The following CHD6 variants were observed in gnomAD, a reference collection of about 807,000 sequenced individuals.
The protein encoded by CHD6 is ATP-dependent chromatin remodeler CHD6.
A neutral mutation model predicts 276.9 loss-of-function variants in CHD6; 50 were observed. The ratio of observed to expected loss-of-function variants is 0.18; its 90% CI spans 0.14 to 0.23. CHD6 has a LOEUF of 0.23. Ranked by LOEUF, CHD6 falls within the 10% of genes least tolerant of loss-of-function variation. The pLI is 1.00. For missense variants in CHD6, 2,564 were observed against 3,365.8 expected (o/e 0.76, Z 5.89); for synonymous variants, 1,173 against 1,229.3 (o/e 0.95, Z 0.96).
intron 3 of CHD6, among the ~76,000 whole-genome samples, chr20:41,516,614 C>T (rs2044259201): frequency 6.6e-6 from 1 of 152,142 alleles, no homozygotes; most frequent in Non-Finnish European, 1.5e-5. Flanking sequence ...TTGATCATAG[C>T]ATTCTTGGGG....
intron 34 of CHD6, chr20:41,414,818 A>AT: frequency 8.7e-7 from 1 of 1,143,774 alleles, no homozygotes; most frequent in Admixed American, 4.4e-5. Flanking sequence ...TCTTTCTCCC[A>AT]TACCCCAGTC....
At chr20:41,463,006 G>C (rs557009619) in intron 17 of CHD6, among the ~76,000 whole-genome samples, 12 of 152,186 alleles carry the variant, frequency 7.9e-5, no homozygotes, top group Non-Finnish European at 5.9e-5. Context: ...GACTAAGCCT[G>C]AAACATATTA....
At chr20:41,493,723 C>CAGT in intron 9 of CHD6, 51 bp from the exon 10 acceptor site, 1 of 1,604,024 alleles carries the variant, frequency 6.2e-7, no homozygotes, top group Non-Finnish European at 8.5e-7. Flanking sequence ...TTAAAGGAGT[C>CAGT]AGTAGTATCT....
chr20:41,541,354 G>A (rs377054228), intron 2 of CHD6, among the ~76,000 whole-genome samples: 1 of 152,290 alleles, frequency 6.6e-6, no homozygotes, highest in African/African-American at 2.4e-5. Flanking sequence ...TGTGCTTTAG[G>A]TGACAAAGCA....
chr20:41,507,378 G>A (rs2044001640), intron 5 of CHD6, among the ~76,000 whole-genome samples: 1 of 135,416 alleles, frequency 7.4e-6, no homozygotes, highest in Non-Finnish European at 1.5e-5. Context: ...GGAGTTTGAA[G>A]TAAAATTTCA....
intron 1 of CHD6, among the ~76,000 whole-genome samples, chr20:41,605,137 CA>C (rs913961815): frequency 6.6e-6 from 1 of 151,380 alleles, no homozygotes; most frequent in East Asian, 1.9e-4. Flanking sequence ...GGTATTGTCA[CA>C]AAAAAAGTCA....
chr20:41,526,415 A>AACAGATAGCTGATTG (rs1240394878), intron 3 of CHD6, among the ~76,000 whole-genome samples: 1 of 152,210 alleles, frequency 6.6e-6, no homozygotes, highest in Non-Finnish European at 1.5e-5. Context: ...GATCTCTCTA[A>AACAGATAGCTGATTG]ACAGATAGCT....
chr20:41,426,268 G>C, intron 27 of CHD6, 115 bp from the exon 28 acceptor site: 1 of 780,166 alleles, frequency 1.3e-6, no homozygotes, highest in Non-Finnish European at 2.3e-6. Flanking sequence ...CCCTGCCCAT[G>C]AACAACTCAG....
chr20:41,492,750 C>G (rs368270879), intron 10 of CHD6, among the ~76,000 whole-genome samples: 1 of 152,218 alleles, frequency 6.6e-6, no homozygotes, highest in Admixed American at 6.5e-5. Flanking sequence ...GAAACACCAT[C>G]TCTGCTAAAA....
intron 1 of CHD6, among the ~76,000 whole-genome samples, chr20:41,569,620 T>G (rs1307804486): frequency 1.3e-5 from 2 of 152,158 alleles, no homozygotes; most frequent in African/African-American, 4.8e-5. Context: ...TAACATAAAC[T>G]TAACTTCTTA....
At chr20:41,590,135 T>C (rs1003864072) in intron 1 of CHD6, among the ~76,000 whole-genome samples, 7 of 152,176 alleles carry the variant, frequency 4.6e-5, no homozygotes, top group Non-Finnish European at 8.8e-5. Flanking sequence ...ATTTAATAAA[T>C]GGTGCTGGGA....
chr20:41,405,366 C>G lies in CHD6; in HGVS notation c.7375G>C (p.Asp2459His), dbSNP rs777775119. Residue 2459 changes from aspartate (D) to histidine (H), a missense_variant, in exon 37 of 37, where the codon GAC becomes CAC. Around this residue, in one of 7 missense-constraint regions of CHD6, gnomAD observed 1,024 missense variants for 1,047.9 expected, o/e 0.98. Transcript: ENST00000373233. ...ELLKAPSIVADSPSGMGPLFM... is the reference protein window; with the variant it reads ...ELLKAPSIVAHSPSGMGPLFM... ...AGTGGCCCCATTCCAGAGGGAGAGT[C>G]TGCCACAATGGAAGGAGCCTTCAGG... 3 of 1,614,248 alleles carry G rather than the reference C, an allele frequency of 1.9e-6. No homozygotes were observed. The South Asian group carries it at 3.3e-5, about 18-fold the overall frequency.
chr20:41,429,802 CTT>C (rs374634638), intron 27 of CHD6, among the ~76,000 whole-genome samples: 8 of 152,134 alleles, frequency 5.3e-5, no homozygotes, highest in African/African-American at 1.7e-4. Flanking sequence ...GCATGTTCCT[CTT>C]GTTTTCCCCA....
chr20:41,446,636 C>A (rs750225283), intron 24 of CHD6, among the ~76,000 whole-genome samples: 2 of 152,206 alleles, frequency 1.3e-5, no homozygotes, highest in African/African-American at 4.8e-5. Context: ...ATGCTCCCTA[C>A]TAGTCCCAGC....
At chr20:41,533,619 A>G in intron 2 of CHD6, 49 bp from the exon 3 acceptor site, 1 of 1,478,226 alleles carries the variant, frequency 6.8e-7, no homozygotes, top group East Asian at 2.3e-5. Context: ...TTCATGCTTC[A>G]GACAAAGAGA....
At chr20:41,503,889 C>CG (rs1038796205) in intron 5 of CHD6, among the ~76,000 whole-genome samples, 1 of 151,762 alleles carries the variant, frequency 6.6e-6, no homozygotes, top group African/African-American at 2.4e-5. Context: ...ACCAGCCTGG[C>CG]CAACACGGTG....
intron 1 of CHD6, among the ~76,000 whole-genome samples, chr20:41,611,973 G>C (rs1378373241): frequency 6.6e-6 from 1 of 152,158 alleles, no homozygotes; most frequent in African/African-American, 2.4e-5. Flanking sequence ...AAGTAATGCT[G>C]AAGTTTCCCA....
chr20:41,418,208 C>A (rs1186963740), intron 31 of CHD6, among the ~76,000 whole-genome samples: 1 of 152,178 alleles, frequency 6.6e-6, no homozygotes, highest in Non-Finnish European at 1.5e-5. Flanking sequence ...AAGATTCTTA[C>A]AGCCCTATGA....
intron 1 of CHD6, among the ~76,000 whole-genome samples, chr20:41,588,786 C>T (rs1568719969): frequency 6.6e-6 from 1 of 152,164 alleles, no homozygotes; most frequent in Non-Finnish European, 1.5e-5. Flanking sequence ...AATGCAATGT[C>T]ATCTAAGGAC....
Sources: gnomAD v4.1 joint callset for allele counts (sites outside exome capture counted in the v4.1 genomes callset) on GRCh38, gnomAD v4.1.1 for gene constraint, gnomAD v4.1.1 regional missense constraint, MANE v1.5 for transcripts, NCBI Gene and HGNC (gene_info 2026-07-23, HGNC 2026-07-21) for gene names.